Variants in BACH2 observed in about 807,000 individuals in gnomAD.
BACH2 encodes BACH transcriptional regulator 2, also known as transcription regulator protein BACH2.
BACH2 carries 5 observed loss-of-function variants against 61.8 expected under a neutral mutation model. The ratio of observed to expected loss-of-function variants is 0.08; its 90% CI spans 0.04 to 0.17. The LOEUF (loss-of-function observed/expected upper bound fraction) is 0.17, where lower values mean the gene tolerates loss of function less well. Ranked by LOEUF, BACH2 falls within the 10% of genes least tolerant of loss-of-function variation. The pLI is 1.00. For synonymous variants in BACH2, 446 were observed against 440.1 expected (o/e 1.01, Z -0.17); for missense variants, 824 against 1,091.1 (o/e 0.76, Z 3.45).
chr6:89,962,658 T>C (rs1774812951), intron 6 of BACH2, among the ~76,000 whole-genome samples: 1 of 152,216 alleles, frequency 6.6e-6, no homozygotes. Flanking sequence ...TTTTGGACAC[T>C]TCTAGCCCTC....
At chr6:89,990,095 G>A (rs1776462265) in intron 6 of BACH2, among the ~76,000 whole-genome samples, 1 of 152,170 alleles carries the variant, frequency 6.6e-6, no homozygotes, top group South Asian at 2.1e-4. Flanking sequence ...ATATGTCACT[G>A]TGAATAGGGC....
intron 6 of BACH2, among the ~76,000 whole-genome samples, chr6:89,966,358 T>C (rs1017648440): frequency 1.3e-5 from 2 of 152,212 alleles, no homozygotes; most frequent in African/African-American, 4.8e-5. Context: ...GCTCTGCCAA[T>C]GGAGAACAGT....
chr6:89,965,911 C>A, intron 6 of BACH2, among the ~76,000 whole-genome samples: 1 of 152,228 alleles, frequency 6.6e-6, no homozygotes, highest in East Asian at 1.9e-4. Flanking sequence ...GACCTTGATA[C>A]CTGCTGTCAT....
intron 7 of BACH2, among the ~76,000 whole-genome samples, chr6:89,944,765 T>C (rs1247545795): frequency 6.6e-6 from 1 of 151,582 alleles, no homozygotes; most frequent in Non-Finnish European, 1.5e-5. Flanking sequence ...GTGTAAAACA[T>C]GTTAATAAAG....
chr6:90,236,858 C>T (rs1379416690), intron 3 of BACH2, among the ~76,000 whole-genome samples: 2 of 152,130 alleles, frequency 1.3e-5, no homozygotes, highest in Middle Eastern at 3.2e-3. Context: ...ACTACATGCA[C>T]TTATACTATG....
At chr6:90,073,963 A>C (rs1781361282) in intron 5 of BACH2, among the ~76,000 whole-genome samples, 1 of 152,182 alleles carries the variant, frequency 6.6e-6, no homozygotes, top group Non-Finnish European at 1.5e-5. Context: ...AAAACGGAGG[A>C]ATTTCCCATT....
At chr6:90,193,792 T>C (rs571404818) in intron 4 of BACH2, among the ~76,000 whole-genome samples, 27 of 152,326 alleles carry the variant, frequency 1.8e-4, no homozygotes, top group Admixed American at 2.6e-4. Context: ...ACCTAATTAA[T>C]TTAAGTGGCA....
intron 4 of BACH2, among the ~76,000 whole-genome samples, chr6:90,183,492 G>C (rs2127841930): frequency 6.6e-6 from 1 of 152,298 alleles, no homozygotes; most frequent in Non-Finnish European, 1.5e-5. Context: ...CAGGCAAAAA[G>C]TTTTAACAAA....
intron 5 of BACH2, among the ~76,000 whole-genome samples, chr6:90,076,377 T>G (rs1363949637): frequency 6.6e-6 from 1 of 152,252 alleles, no homozygotes; most frequent in Non-Finnish European, 1.5e-5. Context: ...AATCTCACTC[T>G]GACCAATTCA....
intron 5 of BACH2, among the ~76,000 whole-genome samples, chr6:90,032,026 G>C (rs1394641635): frequency 6.6e-6 from 1 of 152,136 alleles, no homozygotes; most frequent in East Asian, 1.9e-4. Flanking sequence ...CAATGGAACA[G>C]AACAGAGTCC....
intron 5 of BACH2, among the ~76,000 whole-genome samples, chr6:90,077,013 TAGAGAA>T (rs1360398917): frequency 6.6e-6 from 1 of 152,102 alleles, no homozygotes; most frequent in Non-Finnish European, 1.5e-5. Context: ...AATACATCAT[TAGAGAA>T]AATCTCCATT....
intron 3 of BACH2, among the ~76,000 whole-genome samples, chr6:90,225,085 A>C (rs1311938440): frequency 6.6e-6 from 1 of 152,078 alleles, no homozygotes; most frequent in Non-Finnish European, 1.5e-5. Context: ...CAACAACAAC[A>C]ACAACAACAA....
At chr6:90,133,433 A>G (rs1378725351) in intron 4 of BACH2, among the ~76,000 whole-genome samples, 5 of 152,374 alleles carry the variant, frequency 3.3e-5, no homozygotes, top group African/African-American at 1.2e-4. Context: ...AGGTAATCTT[A>G]AACTCAGGCT....
At chr6:90,027,975 G>T (rs1240883689) in intron 5 of BACH2, among the ~76,000 whole-genome samples, 2 of 152,098 alleles carry the variant, frequency 1.3e-5, no homozygotes, top group Admixed American at 6.5e-5. Context: ...GTATATTTTT[G>T]TTTGCCAGAT....
chr6:90,258,841 C>T (rs1297907828), intron 2 of BACH2, among the ~76,000 whole-genome samples: 1 of 151,956 alleles, frequency 6.6e-6, no homozygotes, highest in African/African-American at 2.4e-5. Context: ...CCATTTTCTT[C>T]ATGTTCTTTT....
At chr6:90,031,887 C>T (rs1028498863) in intron 5 of BACH2, among the ~76,000 whole-genome samples, 2 of 152,102 alleles carry the variant, frequency 1.3e-5, no homozygotes, top group African/African-American at 2.4e-5. Context: ...AAAAAGAGCC[C>T]GCATTGCCAA....
At chr6:90,009,247 CTT>C (rs1777578050) in intron 5 of BACH2, among the ~76,000 whole-genome samples, 1 of 152,172 alleles carries the variant, frequency 6.6e-6, no homozygotes, top group Non-Finnish European at 1.5e-5. Context: ...CAAGGACTAA[CTT>C]AGATTTGTGT....
intron 6 of BACH2, among the ~76,000 whole-genome samples, chr6:89,992,579 T>C (rs1244652681): frequency 6.6e-6 from 1 of 151,756 alleles, no homozygotes; most frequent in Non-Finnish European, 1.5e-5. Flanking sequence ...GAGGTGGAGG[T>C]TGTGGTGAGC....
At chr6:90,127,982 G>C (rs1412472257) in intron 4 of BACH2, among the ~76,000 whole-genome samples, 1 of 152,104 alleles carries the variant, frequency 6.6e-6, no homozygotes, top group Non-Finnish European at 1.5e-5. Context: ...CTAACCCCAA[G>C]GAAAACTGTG....
Sources: allele counts gnomAD v4.1 joint callset (sites outside exome capture counted in the v4.1 genomes callset), GRCh38; gene constraint gnomAD v4.1.1; transcripts MANE v1.5; gene names NCBI Gene and HGNC (gene_info 2026-07-23, HGNC 2026-07-21).